Variants in ASPH observed in about 807,000 individuals in gnomAD.
ASPH encodes aspartyl/asparaginyl beta-hydroxylase.
ASPH carries 100 observed loss-of-function variants against 118.4 expected under a neutral mutation model. That is an observed-to-expected ratio of 0.84 (90% CI 0.72 to 1.00). The LOEUF (loss-of-function observed/expected upper bound fraction) is 1.00. Among genes scored for constraint, ASPH ranks in the 50% least tolerant of loss-of-function variants. The pLI is 0.00. For synonymous variants in ASPH, 315 were observed against 325.6 expected, an observed-to-expected ratio of 0.97 and a Z score of 0.35; for missense variants, 920 against 919.5, an observed-to-expected ratio of 1.00 and a Z score of -0.01.
At position 61,550,541 on chromosome 8, in the gene ASPH, GC is replaced by G. The variant is rs199981618; in HGVS notation, c.1627-2334del. Among the ~76,000 whole-genome samples, 728 of 152,048 alleles carry G rather than the reference GC, an allele frequency of 4.8e-3. 6 individuals carry two copies. The highest frequency in any genetic ancestry group is 0.017 in the African/African-American group (694 of 41,448). On this transcript the variant is annotated intron_variant, in intron 20 of 24. Transcript: ENST00000379454. The stretch of plus-strand genomic sequence containing the variant: ...TGTCAGATGACTGGATCCCAGAAAA[GC>G]CCAGGCCACATCTGTGGAATGGGCT...
In ASPH at chr8:61,668,424, T is replaced by C. The variant is rs371448686; in HGVS notation, c.322+12544A>G. On this transcript the variant is annotated intron_variant, in intron 3 of 24. Transcript: ENST00000379454. ...TCATTAAAAAATACTCCAATATCTC[T>C]CTTATTTGTCACTTTAAAGCTTTCC... The C allele has an allele frequency of 1.8e-4, 107 of 601,876 alleles. 1 individual carries two copies. The African/African-American group carries it at 1.8e-3, about 10-fold the overall frequency. 37.3% of individuals were successfully genotyped at this position (601,876 alleles called of 1,614,324 possible).
intron 16 of ASPH, among the ~76,000 whole-genome samples, chr8:61,573,736 C>G (rs1032456467): frequency 8.6e-5 from 13 of 152,046 alleles, no homozygotes; most frequent in Admixed American, 2.6e-4. Flanking sequence ...GGCCTAAAAC[C>G]ATAAAAACCC....
chr8:61,612,737 T>C (rs1404668157), intron 14 of ASPH, among the ~76,000 whole-genome samples: 2 of 152,150 alleles, frequency 1.3e-5, no homozygotes, highest in Admixed American at 1.3e-4. Context: ...CATTTAATTA[T>C]AGGCACAGAA....
chr8:61,691,366 T>TC (rs1294583958), intron 1 of ASPH, among the ~76,000 whole-genome samples: 3 of 152,164 alleles, frequency 2.0e-5, no homozygotes, highest in African/African-American at 7.2e-5. Flanking sequence ...AACAAAATGG[T>TC]CTCAGGTGCC....
At chr8:61,509,868 C>G (rs1320322790) in intron 24 of ASPH, among the ~76,000 whole-genome samples, 3 of 152,094 alleles carry the variant, frequency 2.0e-5, no homozygotes, top group Admixed American at 2.0e-4. Flanking sequence ...AGCTCCAGGC[C>G]TATCAAATCA....
At chr8:61,664,698 A>G in intron 3 of ASPH, 1 of 986,062 alleles carries the variant, frequency 1.0e-6, no homozygotes, top group Non-Finnish European at 1.2e-6. Context: ...AGGAGAACCC[A>G]TGAAAAGCCT....
At chr8:61,613,230 A>T (rs1039356771) in intron 14 of ASPH, among the ~76,000 whole-genome samples, 9 of 152,210 alleles carry the variant, frequency 5.9e-5, no homozygotes, top group Non-Finnish European at 5.9e-5. Context: ...CCATAATATG[A>T]GTAGTCCTGA....
chr8:61,568,381 G>C (rs182568103), intron 16 of ASPH, among the ~76,000 whole-genome samples: 1 of 152,286 alleles, frequency 6.6e-6, no homozygotes, highest in Non-Finnish European at 1.5e-5. Flanking sequence ...GTGTGAGAAA[G>C]GGGGAGAGAG....
At chr8:61,614,276 C>T (rs1466769819) in intron 14 of ASPH, among the ~76,000 whole-genome samples, 1 of 152,086 alleles carries the variant, frequency 6.6e-6, no homozygotes, top group African/African-American at 2.4e-5. Context: ...GAAAAGTCCA[C>T]AATACAAATA....
At chr8:61,545,951 C>G (rs1452473953) in intron 21 of ASPH, among the ~76,000 whole-genome samples, 1 of 152,228 alleles carries the variant, frequency 6.6e-6, no homozygotes, top group Non-Finnish European at 1.5e-5. Context: ...GGTACACCCT[C>G]TCTCCTCCTG....
chr8:61,592,802 A>G (rs924564649), intron 14 of ASPH, among the ~76,000 whole-genome samples: 1 of 152,216 alleles, frequency 6.6e-6, no homozygotes, highest in Non-Finnish European at 1.5e-5. Flanking sequence ...TTGGAAGCTA[A>G]TTCTGCTTTT....
intron 21 of ASPH, among the ~76,000 whole-genome samples, chr8:61,535,073 T>A (rs141079126): frequency 9.3e-4 from 142 of 152,332 alleles, no homozygotes; most frequent in African/African-American, 3.3e-3. Context: ...CCAATCAAAT[T>A]GGACTACGGT....
At chr8:61,579,274 A>C in intron 15 of ASPH, 3 of 1,614,174 alleles carry the variant, frequency 1.9e-6, no homozygotes, top group Non-Finnish European at 2.5e-6. Flanking sequence ...GCCAACGCCA[A>C]GTTGTCCGAG....
chr8:61,615,047 C>T (rs1053338351), intron 14 of ASPH, among the ~76,000 whole-genome samples: 32 of 152,328 alleles, frequency 2.1e-4, no homozygotes, highest in African/African-American at 7.5e-4. Flanking sequence ...TGCCCAGAAT[C>T]TCCCAATGGC....
rs540645359 is a variant in ASPH, at chr8:61,642,750, C to A, written c.790+138G>T. 52 of 675,920 alleles carry A rather than the reference C, an allele frequency of 7.7e-5. No individual in the cohort carries two copies. In the African/African-American group the frequency reaches 8.9e-4, roughly 12 times the overall value. 41.9% of individuals were successfully genotyped at this position (675,920 alleles called of 1,614,324 possible). ...ATCCCAGCTACTCAGGAGGCTGAGG[C>A]AAGAGAATCGCTTGTACCCAGGAGG... On this transcript the variant is annotated intron_variant, in intron 10 of 24. Transcript: ENST00000379454.
intron 24 of ASPH, among the ~76,000 whole-genome samples, chr8:61,505,356 G>A (rs1274425323): frequency 9.9e-5 from 15 of 152,036 alleles, no homozygotes; most frequent in Admixed American, 1.3e-4. Flanking sequence ...TTAGCCAGGC[G>A]TGGTAGCGCA....
At chr8:61,643,541 G>C in intron 8 of ASPH, 108 bp from the exon 9 acceptor site, 1 of 1,104,308 alleles carries the variant, frequency 9.1e-7, no homozygotes, top group Non-Finnish European at 1.3e-6. Flanking sequence ...TTGCCAGATA[G>C]ATGTTTTCAT....
intron 8 of ASPH, 48 bp downstream of exon 8, chr8:61,643,897 A>G (rs1805380818): frequency 6.7e-7 from 1 of 1,490,536 alleles, no homozygotes; most frequent in Non-Finnish European, 9.3e-7. Context: ...GGCCTTGGCC[A>G]CTGCCTCAAT....
Position 61,517,548 on chromosome 8 carries a change from A to G in ASPH, c.2106T>C (p.Ile702=), listed in dbSNP as rs745677413. Residue 702 remains isoleucine (I), a synonymous_variant, in exon 24 of 25, where the codon ATT becomes ATC. Transcript: ENST00000379454. ...CATACTTGGTCTCGTTGGCACATCG[A>G]ATCTTGCAGCCTTCCTTGGGAATCA... ...GLVIPKEGCK[I]RCANETKTWE... The G allele has an allele frequency of 2.5e-6, 4 of 1,614,130 alleles. No individual in the cohort carries two copies. In the South Asian group the frequency reaches 4.4e-5, roughly 18 times the overall value.
Sources: gnomAD v4.1 joint callset for allele counts (sites outside exome capture counted in the v4.1 genomes callset) on GRCh38, gnomAD v4.1.1 for gene constraint, MANE v1.5 for transcripts, NCBI Gene and HGNC (gene_info 2026-07-23, HGNC 2026-07-21) for gene names.